Variants in ZFHX3 observed in about 807,000 individuals in gnomAD.
The protein encoded by ZFHX3 is zinc finger homeobox protein 3.
ZFHX3 carries 42 observed loss-of-function variants against 279.1 expected under a neutral mutation model. That is an observed-to-expected ratio of 0.15 (90% CI 0.12 to 0.19). ZFHX3 has a LOEUF of 0.19. Ranked by LOEUF, ZFHX3 falls within the 10% of genes least tolerant of loss-of-function variation. The pLI, the probability that ZFHX3 is intolerant of heterozygous loss-of-function variation, is 1.00. For synonymous variants in ZFHX3, 2,293 were observed against 1,957.8 expected (o/e 1.17, Z -4.52); for missense variants, 4,981 against 4,754.0 (o/e 1.05, Z -1.40).
At position 73,216,962 on chromosome 16, in the gene ZFHX3, C is replaced by T. The variant is rs542897334; in HGVS notation, c.-1104+40085G>A. Among the ~76,000 whole-genome samples, 64 of 152,222 alleles carry T rather than the reference C, an allele frequency of 4.2e-4. 2 individuals carry two copies. In the South Asian group the frequency reaches 8.1e-3, roughly 19 times the overall value. ...TAAAGACATGTTCCGAAAGCATGGC[C>T]GTGGTCCACTTAAGTTCTCCCTTAG... On this transcript the variant is annotated intron_variant, in intron 5 of 17. Coordinates refer to the ZFHX3 transcript ENST00000641206.
chr16:72,904,092 G>A (rs1223730339), intron 3 of ZFHX3, among the ~76,000 whole-genome samples: 2 of 152,196 alleles, frequency 1.3e-5, no homozygotes, highest in African/African-American at 2.4e-5. Flanking sequence ...CTTAAAAACT[G>A]TAGTGGCTCA....
chr16:72,786,611 C>T lies in ZFHX3; in HGVS notation c.*553G>A, dbSNP rs934960993. 1.4e-5 allele frequency: 2 copies of T among 139,490 alleles called. No individual in the cohort carries two copies. The highest frequency in any genetic ancestry group is 3.1e-5 in the Non-Finnish European group (2 of 63,952). 8.6% of individuals were successfully genotyped at this position (139,490 alleles called of 1,614,324 possible). On this transcript the variant is annotated 3_prime_UTR_variant, in exon 10 of 10. Transcript: ENST00000268489. ...AAAAAAAAAAAAAAAACTGAAAAAA[C>T]AATAATATATAAAACAATGATTCTG... is the stretch of plus-strand genomic sequence containing the variant.
rs28672202 is a variant in ZFHX3, at chr16:73,811,593, C to T, written c.-1608+80058G>A. ...TGGAGTAGCTGGGACTACAGGCACG[C>T]GCGCCAACACGCCTGGCTAATTTTT... On this transcript the variant is annotated intron_variant, in intron 1 of 17. Coordinates refer to the ZFHX3 transcript ENST00000641206. Among the ~76,000 whole-genome samples, 815 of 151,934 alleles carry T rather than the reference C, an allele frequency of 5.4e-3. 10 individuals carry two copies. The highest frequency in any genetic ancestry group is 0.018 in the African/African-American group (753 of 41,418).
chr16:73,599,732 T>TAAAA (rs67036720), intron 2 of ZFHX3, among the ~76,000 whole-genome samples: 58 of 144,212 alleles, frequency 4.0e-4, no homozygotes, highest in African/African-American at 8.2e-4. Flanking sequence ...AAAATGTCAT[T>TAAAA]AAAAAAAAAA....
chr16:73,172,985 A>T (rs1202111332), intron 5 of ZFHX3, among the ~76,000 whole-genome samples: 46 of 23,358 alleles, frequency 2.0e-3, no homozygotes, highest in African/African-American at 3.4e-3. Context: ...TCCTGATGGG[A>T]CTGTTTTTTT....
chr16:73,689,177 C>T (rs974115572), intron 1 of ZFHX3, among the ~76,000 whole-genome samples: 5 of 152,274 alleles, frequency 3.3e-5, no homozygotes, highest in Middle Eastern at 3.4e-3. Context: ...TAATCTTGTA[C>T]GTCTTTCAAT....
intron 7 of ZFHX3, chr16:73,123,169 T>A (rs1398580637): frequency 6.8e-6 from 1 of 147,162 alleles, no homozygotes; most frequent in African/African-American, 2.5e-5. Context: ...GTCAAAGGCA[T>A]AGATCTTTCC....
intron 1 of ZFHX3, among the ~76,000 whole-genome samples, chr16:73,811,520 C>A (rs111925838): frequency 6.7e-6 from 1 of 148,276 alleles, no homozygotes; most frequent in African/African-American, 2.5e-5. Flanking sequence ...TCTCAGCTCA[C>A]TGTAACCTCT....
intron 1 of ZFHX3, among the ~76,000 whole-genome samples, chr16:73,876,769 T>G (rs938803497): frequency 1.3e-5 from 2 of 152,150 alleles, no homozygotes. Flanking sequence ...TTCTTAACCA[T>G]GTAAAACAAC....
rs1700632183 is a variant in ZFHX3 at position 72,788,664 on chromosome 16, T to C, written c.9612A>G (p.Gln3204=). 10 of 1,611,614 alleles carry C rather than the reference T, an allele frequency of 6.2e-6. No individual in the cohort carries two copies. The highest frequency in any genetic ancestry group is 8.5e-6 in the Non-Finnish European group (10 of 1,178,502). The change falls in exon 10 of 10, where the codon CAA becomes CAG. Residue 3204 remains glutamine (Q), a synonymous_variant. Coordinates refer to ENST00000268489, the MANE Select transcript of ZFHX3 (RefSeq NM_006885.4). ...GCGGGGGAGGCTGCTGCACCTGTGG[T>C]TGCTGCTGCTGCTGCTGCTGCTGGG... is the stretch of plus-strand genomic sequence containing the variant. The part of the protein sequence containing the change: ...QPPQQQQQQQ[Q]PQVQQPPPPP...
At chr16:73,595,806 T>A (rs577417411) in intron 2 of ZFHX3, among the ~76,000 whole-genome samples, 1 of 152,216 alleles carries the variant, frequency 6.6e-6, no homozygotes, top group South Asian at 2.1e-4. Context: ...AACTAGGCAT[T>A]TGGTTACCTA....
intron 1 of ZFHX3, among the ~76,000 whole-genome samples, chr16:73,883,427 G>GTA (rs370660977): frequency 1.4e-5 from 2 of 142,282 alleles, no homozygotes; most frequent in South Asian, 2.2e-4. Context: ...GTGTGTGTGT[G>GTA]TATATGAATA....
intron 1 of ZFHX3, among the ~76,000 whole-genome samples, chr16:73,693,140 G>C (rs1184234947): frequency 1.3e-5 from 2 of 152,108 alleles, no homozygotes; most frequent in Non-Finnish European, 2.9e-5. Flanking sequence ...ACTTATACAA[G>C]GACAGAGAGC....
intron 1 of ZFHX3, among the ~76,000 whole-genome samples, chr16:73,055,872 A>ACG (rs1555546020): frequency 2.0e-5 from 3 of 151,556 alleles, no homozygotes; most frequent in Non-Finnish European, 4.4e-5. Context: ...ACACACACAC[A>ACG]CGCAGAGAAC....
chr16:73,291,149 A>G (rs558802298), intron 4 of ZFHX3, among the ~76,000 whole-genome samples: 2 of 152,340 alleles, frequency 1.3e-5, no homozygotes, highest in African/African-American at 4.8e-5. Flanking sequence ...CAGTGTCTGT[A>G]GAGTTATCCC....
At chr16:72,848,849 C>T (rs1208996381) in intron 4 of ZFHX3, among the ~76,000 whole-genome samples, 6 of 152,072 alleles carry the variant, frequency 3.9e-5, no homozygotes, top group Non-Finnish European at 5.9e-5. Flanking sequence ...AGTCACGGAA[C>T]GTCACCTTGG....
intron 1 of ZFHX3, among the ~76,000 whole-genome samples, chr16:72,996,936 C>T (rs1271415212): frequency 6.6e-6 from 1 of 152,138 alleles, no homozygotes; most frequent in African/African-American, 2.4e-5. Flanking sequence ...AACCCTTGAC[C>T]CCTAAACTGG....
intron 1 of ZFHX3, among the ~76,000 whole-genome samples, chr16:73,746,947 T>C (rs944890197): frequency 1.3e-5 from 2 of 152,200 alleles, no homozygotes; most frequent in Non-Finnish European, 2.9e-5. Flanking sequence ...ATTCTAAAGT[T>C]GAATTTAAAT....
intron 1 of ZFHX3, among the ~76,000 whole-genome samples, chr16:72,962,873 T>C (rs1961646570): frequency 6.6e-6 from 1 of 151,872 alleles, no homozygotes; most frequent in Non-Finnish European, 1.5e-5. Context: ...GGGATGGAGA[T>C]GGAGAAGAGG....
Sources: gnomAD v4.1 joint callset for allele counts (sites outside exome capture counted in the v4.1 genomes callset) on GRCh38, gnomAD v4.1.1 for gene constraint, MANE v1.5 for transcripts, NCBI Gene and HGNC (gene_info 2026-07-23, HGNC 2026-07-21) for gene names.